The following TRPM3 variants were observed in gnomAD, a reference collection of about 807,000 sequenced individuals.
TRPM3 encodes long transient receptor potential channel 3.
A neutral mutation model predicts 181.2 loss-of-function variants in TRPM3; 77 were observed. The ratio of observed to expected loss-of-function variants is 0.42; its 90% confidence interval spans 0.35 to 0.51. The LOEUF (loss-of-function observed/expected upper bound fraction) is 0.51, where lower values mean the gene tolerates loss of function less well. Ranked by LOEUF, TRPM3 falls within the 20% of genes least tolerant of loss-of-function variation. The pLI is 0.01. For synonymous variants in TRPM3, 745 were observed against 796.4 expected, an observed-to-expected ratio of 0.94 and a Z score of 1.09; for missense variants, 1,759 against 2,196.7, an observed-to-expected ratio of 0.80 and a Z score of 3.98.
chr9:70,801,840 A>G (rs2089183842), intron 6 of TRPM3, among the ~76,000 whole-genome samples: 1 of 152,164 alleles, frequency 6.6e-6, no homozygotes, highest in African/African-American at 2.4e-5. Context: ...CACTTTAAGG[A>G]CTGCTCTTAA....
intron 8 of TRPM3, among the ~76,000 whole-genome samples, chr9:70,700,670 A>G (rs1032224837): frequency 3.3e-5 from 5 of 152,238 alleles, no homozygotes; most frequent in African/African-American, 1.2e-4. Flanking sequence ...CCATAGAACA[A>G]TGTGTGTGTA....
intron 8 of TRPM3, among the ~76,000 whole-genome samples, chr9:70,693,542 T>C (rs2069214813): frequency 6.6e-6 from 1 of 152,222 alleles, no homozygotes; most frequent in East Asian, 1.9e-4. Context: ...TGTACTTCCC[T>C]TTCATGTTTG....
intron 1 of TRPM3, among the ~76,000 whole-genome samples, chr9:71,243,964 A>C (rs1049613910): frequency 6.6e-6 from 1 of 152,184 alleles, no homozygotes; most frequent in Non-Finnish European, 1.5e-5. Context: ...CCCACACTGC[A>C]GGGGACATCA....
intron 1 of TRPM3, among the ~76,000 whole-genome samples, chr9:71,214,983 T>G (rs1399670625): frequency 6.6e-6 from 1 of 151,240 alleles, no homozygotes; most frequent in Admixed American, 6.6e-5. Flanking sequence ...ATCATTTTTT[T>G]GTTTATTTAC....
rs533926747 is a variant in TRPM3, at chr9:71,315,098, A to C, written c.183+131555T>G. ...AAGTATGAAACAGCATATCTGGTAC[A>C]TGGTAGGGTTTAATAAGCACTGATA... On this transcript the variant is annotated intron_variant, in intron 1 of 24. Transcript: ENST00000357533. Among the ~76,000 whole-genome samples, 17 of 152,228 alleles carry C rather than the reference A, an allele frequency of 1.1e-4. 1 individual carries two copies. The highest frequency in any genetic ancestry group is 2.4e-4 in the Non-Finnish European group (16 of 68,024).
rs75425696 is a variant in TRPM3, at chr9:70,749,020, C to A, written c.1272+12581G>T. Among the ~76,000 whole-genome samples the A allele has an allele frequency of 2.4e-3, 358 of 150,530 alleles. 2 individuals carry two copies. The highest frequency in any genetic ancestry group is 8.6e-3 in the African/African-American group (344 of 40,226). ...CTAGAACTCCGGTTGCATGCCAACA[C>A]AACCAGTTCATTTCTGTATTTTTTT... On this transcript the variant is annotated intron_variant, in intron 8 of 25. Coordinates refer to ENST00000677713, the MANE Select transcript of TRPM3 (RefSeq NM_001366145.2).
chr9:70,552,046 G>T (rs2046587456), intron 24 of TRPM3, among the ~76,000 whole-genome samples: 1 of 152,156 alleles, frequency 6.6e-6, no homozygotes, highest in Admixed American at 6.5e-5. Context: ...AGACTCCTGG[G>T]CTATAATCCC....
chr9:71,260,346 A>G (rs1196386441), intron 1 of TRPM3, among the ~76,000 whole-genome samples: 2 of 151,898 alleles, frequency 1.3e-5, no homozygotes, highest in Admixed American at 1.3e-4. Flanking sequence ...CTTGCTTAGG[A>G]TTTTCTTGGC....
Position 70,765,032 on chromosome 9 carries a change from C to T in TRPM3, c.1149-3308G>A, listed in dbSNP as rs2078841778. 2.0e-5 allele frequency among the ~76,000 whole-genome samples: 3 copies of T among 152,282 alleles called. No individual in the cohort carries two copies. In the South Asian group the frequency reaches 6.2e-4, roughly 32 times the overall value. On this transcript the variant is annotated intron_variant, in intron 7 of 25. Transcript: ENST00000677713. ...ATACACAATGGACTTCACAGATAATCTCATAACAATCTATGAGGCAAGTGG... is the reference window on the plus strand; with the variant it reads ...ATACACAATGGACTTCACAGATAATTTCATAACAATCTATGAGGCAAGTGG...
intron 1 of TRPM3, among the ~76,000 whole-genome samples, chr9:71,180,738 A>G (rs765872613): frequency 1.2e-4 from 18 of 152,134 alleles, no homozygotes; most frequent in Non-Finnish European, 2.1e-4. Flanking sequence ...ATCATATAAG[A>G]TTTCTCTTTG....
chr9:70,676,519 A>T (rs1343148291), intron 9 of TRPM3, among the ~76,000 whole-genome samples: 1 of 152,168 alleles, frequency 6.6e-6, no homozygotes, highest in Non-Finnish European at 1.5e-5. Context: ...GATAAACACC[A>T]AAGAGTTTAT....
At chr9:71,445,414 C>G (rs926400542) in intron 1 of TRPM3, among the ~76,000 whole-genome samples, 1 of 152,070 alleles carries the variant, frequency 6.6e-6, no homozygotes, top group Non-Finnish European at 1.5e-5. Flanking sequence ...TATTTCTACA[C>G]CTGAAGTAAA....
At chr9:71,022,876 T>C (rs899066605) in intron 1 of TRPM3, among the ~76,000 whole-genome samples, 3 of 151,946 alleles carry the variant, frequency 2.0e-5, no homozygotes, top group Non-Finnish European at 4.4e-5. Flanking sequence ...GATATATATG[T>C]AAAATTTAAA....
At chr9:70,678,228 T>C (rs2064511917) in intron 9 of TRPM3, among the ~76,000 whole-genome samples, 1 of 152,174 alleles carries the variant, frequency 6.6e-6, no homozygotes, top group Non-Finnish European at 1.5e-5. Context: ...TGTGAGCCCC[T>C]TACATCTCTG....
intron 1 of TRPM3, among the ~76,000 whole-genome samples, chr9:71,002,616 C>G (rs535944125): frequency 1.3e-5 from 2 of 152,196 alleles, no homozygotes; most frequent in Non-Finnish European, 2.9e-5. Context: ...CCTATCATAC[C>G]TATAGTATCA....
intron 1 of TRPM3, among the ~76,000 whole-genome samples, chr9:71,344,717 CA>C (rs1358510642): frequency 6.6e-6 from 1 of 152,026 alleles, no homozygotes; most frequent in South Asian, 2.1e-4. Flanking sequence ...AACATACTAA[CA>C]AAAAAGTTAT....
intron 8 of TRPM3, among the ~76,000 whole-genome samples, chr9:70,693,894 T>A (rs2069359038): frequency 1.3e-5 from 2 of 152,246 alleles, no homozygotes; most frequent in Non-Finnish European, 2.9e-5. Flanking sequence ...TTCTGATTAC[T>A]TTAGGAAAAG....
chr9:71,402,707 A>G (rs916558469), intron 1 of TRPM3, among the ~76,000 whole-genome samples: 4 of 152,178 alleles, frequency 2.6e-5, no homozygotes, highest in African/African-American at 9.7e-5. Context: ...GAAAATAATT[A>G]TTTTAAAGCA....
intron 1 of TRPM3, among the ~76,000 whole-genome samples, chr9:71,302,492 T>A (rs1023317427): frequency 6.6e-6 from 1 of 152,238 alleles, no homozygotes. Context: ...TGCTGTTTGA[T>A]ATAATTTCAT....
Sources: gnomAD v4.1 joint callset for allele counts (sites outside exome capture counted in the v4.1 genomes callset) on GRCh38, gnomAD v4.1.1 for gene constraint, MANE v1.5 for transcripts, NCBI Gene and HGNC (gene_info 2026-07-23, HGNC 2026-07-21) for gene names.